PDSS2: variants seen among roughly 807,000 people sequenced by gnomAD.
PDSS2 encodes the protein all trans-polyprenyl-diphosphate synthase PDSS2.
A neutral mutation model predicts 44.5 loss-of-function variants in PDSS2; 31 were observed. The ratio of observed to expected loss-of-function variants is 0.70; its 90% CI spans 0.52 to 0.94. The LOEUF (loss-of-function observed/expected upper bound fraction) is 0.94, where lower values mean the gene tolerates loss of function less well. Ranked by LOEUF, PDSS2 falls within the 40% of genes least tolerant of loss-of-function variation. The pLI is 0.00. For missense variants in PDSS2, 452 were observed against 482.2 expected, an observed-to-expected ratio of 0.94 and a Z score of 0.59; for synonymous variants, 157 against 180.3, an observed-to-expected ratio of 0.87 and a Z score of 1.03.
chr6:107,459,098 G>A lies in PDSS2; in HGVS notation c.188C>T (p.Pro63Leu), dbSNP rs1171640220. Residue 63 changes from proline to leucine, a missense_variant, in exon 1 of 8, where the codon CCC becomes CTC. Pro to Leu is a moderately conservative substitution (Grantham distance 98). Coordinates refer to ENST00000369037, the MANE Select transcript of PDSS2 (RefSeq NM_020381.4). The surrounding 1 kb of genome is among the most constrained non-coding windows in gnomAD (Gnocchi z 4.3). ...GCAGCGAAGGCTCATGAAGGACGTGGGGTACCCCACGATCTTCTCCGCCTC... is the reference window on the plus strand; with the variant it reads ...GCAGCGAAGGCTCATGAAGGACGTGAGGTACCCCACGATCTTCTCCGCCTC... ...VSEAEKIVGY[P>L]TSFMSLRCLL... 1.2e-6 allele frequency: 2 copies of A among 1,614,100 alleles called. No homozygotes were observed. The highest frequency in any genetic ancestry group is 8.5e-7 in the Non-Finnish European group (1 of 1,180,020).
intron 1 of PDSS2, among the ~76,000 whole-genome samples, chr6:107,429,854 A>G (rs1781116107): frequency 7.6e-6 from 1 of 131,862 alleles, no homozygotes; most frequent in Non-Finnish European, 1.6e-5. Context: ...ATTGCACTCC[A>G]GCCTGGGCAA....
intron 1 of PDSS2, among the ~76,000 whole-genome samples, chr6:107,380,158 C>T (rs1250407578): frequency 6.6e-6 from 1 of 151,992 alleles, no homozygotes; most frequent in Non-Finnish European, 1.5e-5. Context: ...TTTTGTCTCC[C>T]CTGTTATCTT....
At chr6:107,161,314 A>G (rs1554246666) in intron 7 of PDSS2, among the ~76,000 whole-genome samples, 2 of 151,866 alleles carry the variant, frequency 1.3e-5, no homozygotes, top group African/African-American at 4.8e-5. Context: ...CCCCGTCTCT[A>G]CTAAAAATAC....
intron 1 of PDSS2, among the ~76,000 whole-genome samples, chr6:107,388,390 C>T (rs1328785576): frequency 1.3e-5 from 2 of 151,884 alleles, no homozygotes; most frequent in East Asian, 3.8e-4. Context: ...AATCATGCTC[C>T]TACGTATTTA....
chr6:107,216,678 C>A (rs1295703272), intron 4 of PDSS2, among the ~76,000 whole-genome samples: 1 of 152,090 alleles, frequency 6.6e-6, no homozygotes, highest in African/African-American at 2.4e-5. Context: ...ACTAACAATA[C>A]CTTTTCCCTC....
intron 1 of PDSS2, among the ~76,000 whole-genome samples, chr6:107,425,209 A>G (rs1385654401): frequency 6.6e-6 from 1 of 152,146 alleles, no homozygotes; most frequent in Non-Finnish European, 1.5e-5. Context: ...ATAAAAACAG[A>G]CATACAGTAA....
At chr6:107,344,462 A>T (rs2500568) in intron 1 of PDSS2, among the ~76,000 whole-genome samples, 40,840 of 152,076 alleles carry the variant, frequency 0.27, 7,125 homozygotes, top group Middle Eastern at 0.5. Flanking sequence ...TGAGGTGACC[A>T]GCCTTTAGAA....
chr6:107,362,084 G>T (rs1778797242), intron 1 of PDSS2, among the ~76,000 whole-genome samples: 2 of 152,304 alleles, frequency 1.3e-5, no homozygotes, highest in South Asian at 4.1e-4. Context: ...CCTGACGGGG[G>T]CAGGCAGCAG....
chr6:107,203,698 T>G (rs1234214446), intron 6 of PDSS2, among the ~76,000 whole-genome samples: 1 of 152,152 alleles, frequency 6.6e-6, no homozygotes, highest in African/African-American at 2.4e-5. Flanking sequence ...TTTAAAACAG[T>G]ATAATTCAGT....
At chr6:107,159,229 A>G (rs1554246269) in intron 7 of PDSS2, among the ~76,000 whole-genome samples, 1 of 151,354 alleles carries the variant, frequency 6.6e-6, no homozygotes, top group Non-Finnish European at 1.5e-5. Flanking sequence ...TTGACGTGAT[A>G]TACAATAACC....
At chr6:107,404,223 A>T (rs190688731) in intron 1 of PDSS2, among the ~76,000 whole-genome samples, 23 of 152,310 alleles carry the variant, frequency 1.5e-4, no homozygotes, top group African/African-American at 5.5e-4. Context: ...ATCTGAGACC[A>T]TCTCAGAGTG....
intron 7 of PDSS2, among the ~76,000 whole-genome samples, chr6:107,160,612 C>T (rs1771092068): frequency 6.6e-6 from 1 of 152,052 alleles, no homozygotes; most frequent in South Asian, 2.1e-4. Context: ...CCTCGCCTCC[C>T]AAAGTGCTGG....
chr6:107,407,443 T>C (rs1224768669), intron 1 of PDSS2, among the ~76,000 whole-genome samples: 1 of 152,252 alleles, frequency 6.6e-6, no homozygotes, highest in Admixed American at 6.5e-5. Flanking sequence ...TTTTATGTTA[T>C]GTATATTTTA....
chr6:107,270,541 T>C (rs1319764369), intron 3 of PDSS2, among the ~76,000 whole-genome samples: 4 of 152,214 alleles, frequency 2.6e-5, no homozygotes, highest in Non-Finnish European at 5.9e-5. Context: ...AATTTTGATG[T>C]AACAATAGCT....
intron 7 of PDSS2, among the ~76,000 whole-genome samples, chr6:107,170,611 C>A (rs370444202): frequency 1.4e-4 from 8 of 55,972 alleles, no homozygotes; most frequent in South Asian, 5.7e-4. Context: ...GAACCACCCC[C>A]CCCCCCCCAC....
At chr6:107,154,827 A>C (rs781855481) in intron 7 of PDSS2, 50 bp from the exon 8 acceptor site, 4 of 1,527,198 alleles carry the variant, frequency 2.6e-6, no homozygotes, top group Non-Finnish European at 3.6e-6. Context: ...GGTACACAGT[A>C]AGCACCACAA....
At chr6:107,343,954 T>C (rs1018222794) in intron 1 of PDSS2, among the ~76,000 whole-genome samples, 3 of 152,212 alleles carry the variant, frequency 2.0e-5, no homozygotes, top group African/African-American at 4.8e-5. Context: ...AGCACAGATA[T>C]CTTTTTAAGA....
At chr6:107,409,090 C>A (rs1780411366) in intron 1 of PDSS2, among the ~76,000 whole-genome samples, 1 of 152,090 alleles carries the variant, frequency 6.6e-6, no homozygotes, top group Non-Finnish European at 1.5e-5. Flanking sequence ...AATAACCTAC[C>A]AACTTTCAAA....
At chr6:107,229,757 G>C (rs900422566) in intron 4 of PDSS2, 1 of 152,120 alleles carries the variant, frequency 6.6e-6, no homozygotes, top group African/African-American at 2.4e-5. Context: ...ACTATCATCA[G>C]GAACTCTATG....
Sources: gnomAD v4.1 joint callset for allele counts (sites outside exome capture counted in the v4.1 genomes callset) on GRCh38, gnomAD v4.1.1 for gene constraint, Gnocchi (gnomAD v3.1) non-coding constraint, MANE v1.5 for transcripts, NCBI Gene and HGNC (gene_info 2026-07-23, HGNC 2026-07-21) for gene names.